LRP1B: variants seen among roughly 807,000 people sequenced by gnomAD.
The protein encoded by LRP1B is LDL receptor related protein 1B.
LRP1B carries 217 observed loss-of-function variants against 556.6 expected under a neutral mutation model. The ratio of observed to expected loss-of-function variants is 0.39; its 90% CI spans 0.35 to 0.44. LRP1B has a LOEUF of 0.44. Ranked by LOEUF, LRP1B falls within the 20% of genes least tolerant of loss-of-function variation. The pLI is 1.00. For synonymous variants in LRP1B, 2,047 were observed against 1,865.8 expected (o/e 1.10, Z -2.50); for missense variants, 5,053 against 5,620.8 (o/e 0.90, Z 3.23).
chr2:140,619,190 C>T (rs941654030), intron 41 of LRP1B, among the ~76,000 whole-genome samples: 3 of 151,890 alleles, frequency 2.0e-5, no homozygotes, highest in Non-Finnish European at 2.9e-5. Flanking sequence ...TGCCCCCTTT[C>T]CAGTCCCCTA....
intron 41 of LRP1B, among the ~76,000 whole-genome samples, chr2:140,611,558 G>A (rs1419467775): frequency 6.6e-6 from 1 of 152,036 alleles, no homozygotes; most frequent in Non-Finnish European, 1.5e-5. Context: ...AAAGAGTTTG[G>A]TTGTTTATCA....
intron 17 of LRP1B, among the ~76,000 whole-genome samples, chr2:140,984,369 T>C (rs1325914557): frequency 6.6e-6 from 1 of 151,974 alleles, no homozygotes; most frequent in African/African-American, 2.4e-5. Context: ...ATTTCATTCC[T>C]TCAGTCTTTT....
chr2:140,838,908 T>C (rs1282105415), intron 31 of LRP1B, among the ~76,000 whole-genome samples: 3 of 152,186 alleles, frequency 2.0e-5, no homozygotes, highest in Admixed American at 2.0e-4. Flanking sequence ...TATTATATTC[T>C]AAGAGAATTT....
chr2:140,968,286 C>T (rs184995891), intron 18 of LRP1B, among the ~76,000 whole-genome samples: 1 of 151,842 alleles, frequency 6.6e-6, no homozygotes, highest in East Asian at 1.9e-4. Flanking sequence ...GGAATTTATC[C>T]ATTTCTTCTA....
At chr2:141,392,063 A>T (rs890378794) in intron 3 of LRP1B, among the ~76,000 whole-genome samples, 2 of 152,156 alleles carry the variant, frequency 1.3e-5, no homozygotes, top group Admixed American at 1.3e-4. Context: ...GATGCTATGT[A>T]AAAATTATGA....
At chr2:140,657,859 G>C (rs984389339) in intron 41 of LRP1B, among the ~76,000 whole-genome samples, 1 of 151,710 alleles carries the variant, frequency 6.6e-6, no homozygotes, top group Admixed American at 6.6e-5. Flanking sequence ...AATTTGTTTC[G>C]AAGTAACCCG....
At chr2:140,303,638 T>C (rs1022431269) in intron 83 of LRP1B, among the ~76,000 whole-genome samples, 5 of 152,102 alleles carry the variant, frequency 3.3e-5, no homozygotes, top group African/African-American at 1.2e-4. Flanking sequence ...TAATCTTCTA[T>C]AAAAAATATT....
chr2:141,763,000 T>C (rs968754882), intron 2 of LRP1B, among the ~76,000 whole-genome samples: 2 of 152,206 alleles, frequency 1.3e-5, no homozygotes, highest in African/African-American at 4.8e-5. Context: ...ACATCTTAGG[T>C]GCAAGTTGTA....
intron 1 of LRP1B, among the ~76,000 whole-genome samples, chr2:142,053,691 T>C (rs1224905307): frequency 1.3e-5 from 2 of 152,142 alleles, no homozygotes; most frequent in Non-Finnish European, 2.9e-5. Flanking sequence ...TGATAAGTAG[T>C]ATTTCTGGAA....
At chr2:141,278,264 T>A (rs1685377050) in intron 3 of LRP1B, among the ~76,000 whole-genome samples, 1 of 152,156 alleles carries the variant, frequency 6.6e-6, no homozygotes, top group Non-Finnish European at 1.5e-5. Flanking sequence ...CTTGAGATTA[T>A]CCAAATTTTC....
intron 18 of LRP1B, among the ~76,000 whole-genome samples, chr2:140,954,728 C>G (rs1293658109): frequency 2.0e-5 from 3 of 151,942 alleles, no homozygotes; most frequent in African/African-American, 7.2e-5. Flanking sequence ...TAACCTTCTG[C>G]CCACACTGAA....
chr2:140,386,916 G>A (rs1210931587), intron 66 of LRP1B, among the ~76,000 whole-genome samples: 1 of 152,148 alleles, frequency 6.6e-6, no homozygotes, highest in Non-Finnish European at 1.5e-5. Flanking sequence ...ATACATATAA[G>A]TCATTTGGGA....
At chr2:140,809,163 TAG>T (rs1367653454) in intron 32 of LRP1B, among the ~76,000 whole-genome samples, 32 of 152,132 alleles carry the variant, frequency 2.1e-4, no homozygotes, top group Non-Finnish European at 1.0e-4. Flanking sequence ...TGTTTTTTTG[TAG>T]AGTGTTTGGC....
chr2:141,814,418 A>T (rs1222105937), intron 1 of LRP1B, among the ~76,000 whole-genome samples: 1 of 152,138 alleles, frequency 6.6e-6, no homozygotes, highest in African/African-American at 2.4e-5. Flanking sequence ...TTTGGAAAGA[A>T]TCATTTTGGC....
intron 3 of LRP1B, among the ~76,000 whole-genome samples, chr2:141,338,342 T>C (rs1410920224): frequency 6.6e-6 from 1 of 152,160 alleles, no homozygotes; most frequent in Non-Finnish European, 1.5e-5. Flanking sequence ...TTCTGCCCTT[T>C]GAGACTCAGG....
At chr2:141,055,056 T>C (rs1699139187) in intron 10 of LRP1B, 60 bp downstream of exon 10, 10 of 1,576,644 alleles carry the variant, frequency 6.3e-6, no homozygotes, top group Non-Finnish European at 8.6e-6. Context: ...TGCTAATTAA[T>C]ACTTAAAATC....
chr2:141,518,444 A>G (rs1684405464), intron 2 of LRP1B, among the ~76,000 whole-genome samples: 1 of 152,228 alleles, frequency 6.6e-6, no homozygotes, highest in Non-Finnish European at 1.5e-5. Flanking sequence ...TATTTCTCAC[A>G]GCAAATATTA....
chr2:140,493,074 A>G (rs1359355092), intron 56 of LRP1B, among the ~76,000 whole-genome samples: 1 of 152,146 alleles, frequency 6.6e-6, no homozygotes, highest in Non-Finnish European at 1.5e-5. Flanking sequence ...TTATGATCAG[A>G]AATTTTTTTC....
intron 5 of LRP1B, among the ~76,000 whole-genome samples, chr2:141,246,364 C>A (rs1436790519): frequency 1.3e-5 from 2 of 152,124 alleles, no homozygotes; most frequent in Non-Finnish European, 2.9e-5. Flanking sequence ...GAAACAAGAG[C>A]AGTGGAAGAT....
Sources: gnomAD v4.1 joint callset for allele counts (sites outside exome capture counted in the v4.1 genomes callset) on GRCh38, gnomAD v4.1.1 for gene constraint, MANE v1.5 for transcripts, NCBI Gene and HGNC (gene_info 2026-07-23, HGNC 2026-07-21) for gene names.